Variants in COL22A1 observed in about 807,000 individuals in gnomAD.
COL22A1 encodes the protein collagen alpha-1(XXII) chain.
COL22A1 carries 221 observed loss-of-function variants against 248.9 expected under a neutral mutation model. The observed-to-expected ratio is 0.89, with a 90% CI of 0.80 to 0.99. The LOEUF (loss-of-function observed/expected upper bound fraction) is 0.99, where lower values mean the gene tolerates loss of function less well. COL22A1 is among the 50% of genes least tolerant of loss of function. COL22A1 has a pLI of 0.00. For synonymous variants in COL22A1, 891 were observed against 793.4 expected, an observed-to-expected ratio of 1.12 and a Z score of -2.07; for missense variants, 2,240 against 2,179.0, an observed-to-expected ratio of 1.03 and a Z score of -0.56.
intron 41 of COL22A1, among the ~76,000 whole-genome samples, chr8:138,674,242 G>A (rs750349603): frequency 1.3e-5 from 2 of 152,160 alleles, no homozygotes; most frequent in African/African-American, 2.4e-5. Flanking sequence ...TTGAGGCCCA[G>A]CACAAGATAT....
chr8:138,775,545 C>T (rs922032145), intron 16 of COL22A1, among the ~76,000 whole-genome samples: 4 of 152,172 alleles, frequency 2.6e-5, no homozygotes, highest in South Asian at 2.1e-4. Context: ...TGTCACCACT[C>T]ATTCTTCCAT....
rs141843795 is a variant in COL22A1, at chr8:138,768,287, C to T, written c.1804-5821G>A. 1.8e-3 allele frequency among the ~76,000 whole-genome samples: 273 copies of T among 152,332 alleles called. 1 individual carries two copies. Among genetic ancestry groups the T allele is most frequent in the South Asian group, 5.6e-3 (27 of 4,830 alleles). The stretch of plus-strand genomic sequence containing the variant: ...CCCATCTGTCTTGCTCACTCTCGGC[C>T]ACAGCAGCAGTTGCACGGCACTGTT... On this transcript the variant is annotated intron_variant, in intron 16 of 64. Transcript: ENST00000303045.
chr8:138,708,645 G>T (rs1250775463), intron 30 of COL22A1, among the ~76,000 whole-genome samples: 3 of 152,104 alleles, frequency 2.0e-5, no homozygotes, highest in Non-Finnish European at 4.4e-5. Flanking sequence ...TTCAAGATGG[G>T]TTAAAGACTT....
intron 12 of COL22A1, among the ~76,000 whole-genome samples, chr8:138,787,811 A>T (rs1251191862): frequency 4.0e-5 from 6 of 151,838 alleles, no homozygotes; most frequent in African/African-American, 7.3e-5. Flanking sequence ...CCATGATCTC[A>T]TTTGGAGGCA....
chr8:138,907,694 G>A (rs1815127688), intron 1 of COL22A1, among the ~76,000 whole-genome samples: 1 of 152,164 alleles, frequency 6.6e-6, no homozygotes, highest in Admixed American at 6.5e-5. Context: ...AGATGCATTT[G>A]CCTCACAGCG....
chr8:138,742,146 T>C (rs927179076), intron 22 of COL22A1, among the ~76,000 whole-genome samples: 1 of 151,790 alleles, frequency 6.6e-6, no homozygotes, highest in African/African-American at 2.4e-5. Context: ...GTAGTGATTG[T>C]GATGATGGTG....
Position 138,589,315 on chromosome 8 carries a change from G to A in COL22A1, c.4819C>T (p.Pro1607Ser), listed in dbSNP as rs761832409. The A allele has an allele frequency of 1.2e-6, 2 of 1,613,734 alleles. No homozygotes were observed. Among genetic ancestry groups the A allele is most frequent in the Non-Finnish European group, 1.7e-6 (2 of 1,179,814 alleles). ...GPPGPPGQCD[P>S]SQCAYFASLA... ...CTGGCGAAGTAGGCACACTGGGAAG[G>A]GTCACATTGGCCTGGGGGACCGGGA... The change falls in exon 65 of 65, where the codon CCT (proline) becomes TCT (serine). Residue 1607 changes from proline to serine, a missense_variant. Pro to Ser is a moderately conservative substitution (Grantham distance 74, BLOSUM62 -1). Coordinates refer to ENST00000303045, the MANE Select transcript of COL22A1 (RefSeq NM_152888.3).
rs1226928156 is a variant in COL22A1 at position 138,720,805 on chromosome 8, C to T, written c.2302-13G>A. 2.5e-6 allele frequency: 4 copies of T among 1,609,604 alleles called. No individual in the cohort carries two copies. The highest frequency in any genetic ancestry group is 3.4e-6 in the Non-Finnish European group (4 of 1,176,178). ...CTCCTGGTTCTCCCTGGAAGGAATA[C>T]AGAGCAAAGTTAACAGGAGACGGGC... is the stretch of plus-strand genomic sequence containing the variant. On this transcript the variant is annotated splice_polypyrimidine_tract_variant and intron_variant, in intron 26 of 64. Coordinates refer to ENST00000303045, the MANE Select transcript of COL22A1 (RefSeq NM_152888.3).
intron 9 of COL22A1, 123 bp from the exon 10 acceptor site, chr8:138,807,935 C>A: frequency 2.2e-6 from 2 of 919,212 alleles, no homozygotes; most frequent in East Asian, 5.1e-5. Context: ...CAGCGCCGAC[C>A]AATGAGTTGG....
chr8:138,730,214 C>T (rs1284649732), intron 23 of COL22A1, among the ~76,000 whole-genome samples: 2 of 152,190 alleles, frequency 1.3e-5, no homozygotes, highest in Non-Finnish European at 2.9e-5. Context: ...AGATTCACAC[C>T]TTGGATGGAA....
chr8:138,740,909 G>A (rs1689615877), intron 22 of COL22A1, among the ~76,000 whole-genome samples: 1 of 152,102 alleles, frequency 6.6e-6, no homozygotes, highest in South Asian at 2.1e-4. Context: ...CCTTCCTGTA[G>A]CCACAGCCAC....
chr8:138,903,185 T>C (rs529935892), intron 1 of COL22A1, among the ~76,000 whole-genome samples: 1 of 152,280 alleles, frequency 6.6e-6, no homozygotes, highest in African/African-American at 2.4e-5. Flanking sequence ...ATCCCCACCA[T>C]AGCCTGATGT....
chr8:138,620,865 C>T (rs986684032), intron 52 of COL22A1, among the ~76,000 whole-genome samples: 1 of 152,148 alleles, frequency 6.6e-6, no homozygotes, highest in Non-Finnish European at 1.5e-5. Flanking sequence ...AATTAAGCAA[C>T]AGGCAACTCA....
intron 50 of COL22A1, among the ~76,000 whole-genome samples, chr8:138,628,802 G>T (rs1411928617): frequency 7.5e-6 from 1 of 132,924 alleles, no homozygotes; most frequent in African/African-American, 3.2e-5. Context: ...GTCTCACTCT[G>T]TTGCCCAGGC....
chr8:138,634,924 C>T, intron 49 of COL22A1, 86 bp downstream of exon 49: 2 of 925,262 alleles, frequency 2.2e-6, no homozygotes, highest in South Asian at 1.4e-5. Context: ...GAGAGATATG[C>T]TCAGTGTCAT....
At chr8:138,902,359 G>A (rs2132163368) in intron 1 of COL22A1, among the ~76,000 whole-genome samples, 1 of 152,236 alleles carries the variant, frequency 6.6e-6, no homozygotes, top group Admixed American at 6.5e-5. Flanking sequence ...GGCTCTGATG[G>A]GAGGGCAGAG....
intron 25 of COL22A1, among the ~76,000 whole-genome samples, chr8:138,722,725 C>T (rs1489983883): frequency 6.6e-6 from 1 of 152,050 alleles, no homozygotes; most frequent in Non-Finnish European, 1.5e-5. Context: ...CTCAAGGTCA[C>T]AGAGCTGGTG....
intron 22 of COL22A1, among the ~76,000 whole-genome samples, chr8:138,742,463 GTGATGGTGATGGTGGAGT>G (rs1831683893): frequency 6.6e-6 from 1 of 151,896 alleles, no homozygotes; most frequent in African/African-American, 2.4e-5. Context: ...ACTAGTGATT[GTGATGGTGATGGTGGAGT>G]TGATGGTGAT....
Position 138,826,879 on chromosome 8 carries a change from A to G in COL22A1, c.846-98T>C. On this transcript the variant is annotated intron_variant, in intron 5 of 64. Coordinates refer to ENST00000303045, the MANE Select transcript of COL22A1 (RefSeq NM_152888.3). ...ACCCAGCAGTGATCAAGCCCTGCCAATTTGACTTCCTAAATATTTCCACCA... is the reference window on the plus strand; with the variant it reads ...ACCCAGCAGTGATCAAGCCCTGCCAGTTTGACTTCCTAAATATTTCCACCA... 2.9e-6 allele frequency: 4 copies of G among 1,402,544 alleles called. No homozygotes were observed. The South Asian group carries it at 5.1e-5, about 18-fold the overall frequency. 86.9% of individuals were successfully genotyped at this position (1,402,544 alleles called of 1,614,324 possible). A position where few individuals can be genotyped will look rare whatever the true frequency, so the allele number is the denominator to read the frequency against.
Sources: gnomAD v4.1 joint callset for allele counts (sites outside exome capture counted in the v4.1 genomes callset) on GRCh38, gnomAD v4.1.1 for gene constraint, MANE v1.5 for transcripts, NCBI Gene and HGNC (gene_info 2026-07-23, HGNC 2026-07-21) for gene names.